The following AK8 variants were observed in gnomAD, a reference collection of about 807,000 sequenced individuals.
AK8 encodes ATP-AMP transphosphorylase 8.
A neutral mutation model predicts 54.6 loss-of-function variants in AK8; 44 were observed. That is an observed-to-expected ratio of 0.81 (90% confidence interval 0.63 to 1.04). The LOEUF (loss-of-function observed/expected upper bound fraction) is 1.04. Ranked by LOEUF, AK8 falls within the 50% of genes least tolerant of loss-of-function variation. The probability of loss-of-function intolerance (pLI) is 0.00; values close to 1 mark genes in which losing one functional copy is unlikely to be tolerated. For synonymous variants in AK8, 239 were observed against 245.6 expected (o/e 0.97, Z 0.25); for missense variants, 555 against 613.6 (o/e 0.90, Z 1.01).
intron 9 of AK8, among the ~76,000 whole-genome samples, chr9:132,822,401 G>C (rs1043421160): frequency 6.6e-6 from 1 of 150,540 alleles, no homozygotes; most frequent in Non-Finnish European, 1.5e-5. Context: ...ATATTTGTTT[G>C]TATTCCCTCT....
chr9:132,827,853 G>A (rs1841937231), intron 7 of AK8, 160 bp downstream of exon 7: 2 of 651,742 alleles, frequency 3.1e-6, no homozygotes, highest in South Asian at 2.0e-5. Flanking sequence ...ATGTACCCTT[G>A]CCAGTGTCTT....
chr9:132,854,770 G>T, intron 5 of AK8, 87 bp downstream of exon 5: 1 of 1,407,526 alleles, frequency 7.1e-7, no homozygotes, highest in Non-Finnish European at 1.0e-6. Flanking sequence ...TTATGCCTCT[G>T]GTCATCTCTG....
intron 11 of AK8, among the ~76,000 whole-genome samples, chr9:132,742,967 G>A (rs150176248): frequency 1.7e-4 from 26 of 152,318 alleles, no homozygotes; most frequent in African/African-American, 5.1e-4. Flanking sequence ...CTCCAGTGTC[G>A]GTGCCCTTGG....
At chr9:132,746,127 C>T (rs1837637570) in intron 11 of AK8, among the ~76,000 whole-genome samples, 1 of 152,096 alleles carries the variant, frequency 6.6e-6, no homozygotes, top group African/African-American at 2.4e-5. Context: ...CCATCGGAGC[C>T]GCGCAGCCAA....
intron 11 of AK8, among the ~76,000 whole-genome samples, chr9:132,785,048 C>G (rs1438577141): frequency 6.6e-6 from 1 of 151,402 alleles, no homozygotes; most frequent in Admixed American, 6.6e-5. Context: ...CCTGGCTCCC[C>G]CAAAATGGAG....
chr9:132,839,524 C>T (rs886130940), intron 5 of AK8, among the ~76,000 whole-genome samples: 8 of 152,138 alleles, frequency 5.3e-5, no homozygotes, highest in East Asian at 1.9e-4. Flanking sequence ...GAATAAGAGG[C>T]GATGTCTAGA....
At chr9:132,877,853 G>C (rs1199386039) in intron 1 of AK8, 3 of 605,650 alleles carry the variant, frequency 5.0e-6, no homozygotes, top group South Asian at 3.0e-5. Flanking sequence ...CATTTCACAG[G>C]TGGGGAAACC....
intron 11 of AK8, among the ~76,000 whole-genome samples, chr9:132,776,237 C>T (rs1353851189): frequency 6.6e-6 from 1 of 152,200 alleles, no homozygotes; most frequent in East Asian, 1.9e-4. Flanking sequence ...CTATCACCAC[C>T]ATTACTGGCC....
chr9:132,808,876 C>T (rs1411565635), intron 10 of AK8, among the ~76,000 whole-genome samples: 5 of 152,128 alleles, frequency 3.3e-5, no homozygotes, highest in Non-Finnish European at 7.4e-5. Context: ...GAAGGAGGTC[C>T]AGTACCCACC....
chr9:132,795,171 C>T (rs1394568467), intron 10 of AK8, among the ~76,000 whole-genome samples: 1 of 152,208 alleles, frequency 6.6e-6, no homozygotes, highest in Non-Finnish European at 1.5e-5. Context: ...CATTTGTTTA[C>T]ATTCAAAGGG....
chr9:132,845,952 A>G (rs1265210292), intron 5 of AK8, among the ~76,000 whole-genome samples: 1 of 152,104 alleles, frequency 6.6e-6, no homozygotes, highest in African/African-American at 2.4e-5. Flanking sequence ...CCTGTGTGAA[A>G]ACTGTGCAGC....
chr9:132,732,708 G>A (rs945549896), intron 11 of AK8, among the ~76,000 whole-genome samples: 1 of 152,176 alleles, frequency 6.6e-6, no homozygotes, highest in Non-Finnish European at 1.5e-5. Context: ...AGAGCAGAAA[G>A]ATGGTGAGAG....
chr9:132,838,322 C>T (rs997071491), intron 5 of AK8, among the ~76,000 whole-genome samples: 11 of 152,144 alleles, frequency 7.2e-5, no homozygotes, highest in Non-Finnish European at 1.0e-4. Context: ...GTGCTACGTC[C>T]GCTCCCCCTT....
chr9:132,867,019 C>T (rs565908624), intron 2 of AK8, 66 bp from the exon 3 acceptor site: 2 of 1,475,768 alleles, frequency 1.4e-6, no homozygotes, highest in Admixed American at 1.7e-5. Context: ...ACCTGCGGTA[C>T]TCGGGGTGTA....
chr9:132,871,037 G>C (rs1250525036), intron 2 of AK8, among the ~76,000 whole-genome samples: 1 of 152,186 alleles, frequency 6.6e-6, no homozygotes, highest in Non-Finnish European at 1.5e-5. Context: ...TCTGAGGTCA[G>C]GTGTTTGAGA....
At chr9:132,772,024 T>C (rs1241927798) in intron 11 of AK8, among the ~76,000 whole-genome samples, 1 of 152,112 alleles carries the variant, frequency 6.6e-6, no homozygotes, top group Non-Finnish European at 1.5e-5. Context: ...TGAGACTTAT[T>C]CACTATCACA....
chr9:132,821,663 G>A (rs1227646440), intron 9 of AK8, among the ~76,000 whole-genome samples: 2 of 149,042 alleles, frequency 1.3e-5, no homozygotes, highest in East Asian at 3.9e-4. Flanking sequence ...ATTCTTCTGG[G>A]GTGGTATATA....
At chr9:132,842,663 GTT>G (rs1198214291) in intron 5 of AK8, among the ~76,000 whole-genome samples, 1 of 152,220 alleles carries the variant, frequency 6.6e-6, no homozygotes, top group Non-Finnish European at 1.5e-5. Flanking sequence ...TTATCACATG[GTT>G]TTCAAGGAGT....
intron 5 of AK8, 56 bp downstream of exon 5, chr9:132,854,801 C>G: frequency 6.3e-7 from 1 of 1,583,738 alleles, no homozygotes; most frequent in East Asian, 2.2e-5. Context: ...TGAACACACG[C>G]CCTTCACCCT....
Sources: gnomAD v4.1 joint callset for allele counts (sites outside exome capture counted in the v4.1 genomes callset) on GRCh38, gnomAD v4.1.1 for gene constraint, MANE v1.5 for transcripts, NCBI Gene and HGNC (gene_info 2026-07-23, HGNC 2026-07-21) for gene names.